The following INPP4A variants were observed in gnomAD, a reference collection of about 807,000 sequenced individuals.
INPP4A encodes inositol polyphosphate-4-phosphatase, type I, 107kD.
A neutral mutation model predicts 119.8 loss-of-function variants in INPP4A; 33 were observed. That is an observed-to-expected ratio of 0.28 (90% CI 0.21 to 0.37). The LOEUF is 0.37. INPP4A is among the 10% of genes least tolerant of loss of function. The pLI is 1.00. For missense variants in INPP4A, 956 were observed against 1,289.9 expected, an observed-to-expected ratio of 0.74 and a Z score of 3.97; for synonymous variants, 496 against 500.7, an observed-to-expected ratio of 0.99 and a Z score of 0.12.
At chr2:98,493,426 ATTTT>A (rs371958433) in intron 1 of INPP4A, among the ~76,000 whole-genome samples, 2 of 123,102 alleles carry the variant, frequency 1.6e-5, no homozygotes, top group African/African-American at 3.1e-5. Context: ...TTCTATTTCT[ATTTT>A]TTTTTTTTTT....
intron 1 of INPP4A, among the ~76,000 whole-genome samples, chr2:98,498,171 C>T (rs954337696): frequency 6.6e-6 from 1 of 151,974 alleles, no homozygotes; most frequent in African/African-American, 2.4e-5. Context: ...TGTGTTCCTA[C>T]CCAGATCTCA....
At chr2:98,456,269 A>G (rs952459700) in intron 1 of INPP4A, among the ~76,000 whole-genome samples, 2 of 152,230 alleles carry the variant, frequency 1.3e-5, no homozygotes, top group African/African-American at 4.8e-5. Flanking sequence ...ATACAACTAT[A>G]TAAGTTGTAG....
intron 1 of INPP4A, among the ~76,000 whole-genome samples, chr2:98,480,133 C>T (rs1445665632): frequency 6.6e-6 from 1 of 152,214 alleles, no homozygotes; most frequent in Non-Finnish European, 1.5e-5. Flanking sequence ...CCCTGCCAGC[C>T]CCAGAGGCCT....
In INPP4A at chr2:98,504,721, C is replaced by T. The variant is rs555088149; in HGVS notation, c.-165-14243C>T. Among the ~76,000 whole-genome samples, 19 of 152,282 alleles carry T rather than the reference C, an allele frequency of 1.2e-4. No homozygotes were observed. The East Asian group carries it at 1.5e-3, about 12-fold the overall frequency. On this transcript the variant is annotated intron_variant, in intron 1 of 24. Coordinates refer to ENST00000409851, the MANE Select transcript of INPP4A (RefSeq NM_001134225.2). ...CTCGTGAAGCCAATTTTGACACTTG[C>T]GAATTAGAAGGCAGGCTTTCCTAGT...
intron 1 of INPP4A, among the ~76,000 whole-genome samples, chr2:98,518,067 A>C (rs961517785): frequency 6.6e-6 from 1 of 152,214 alleles, no homozygotes; most frequent in African/African-American, 2.4e-5. Context: ...ATAAATTCCT[A>C]CCTTTTGCCA....
At chr2:98,481,721 A>G (rs1289253281) in intron 1 of INPP4A, among the ~76,000 whole-genome samples, 1 of 152,128 alleles carries the variant, frequency 6.6e-6, no homozygotes, top group Non-Finnish European at 1.5e-5. Context: ...TCCCTGTGGA[A>G]TTGTGTTTTG....
In INPP4A at chr2:98,466,293, G is replaced by A. The variant is rs1426167812; in HGVS notation, c.-166+21208G>A. 5.3e-5 allele frequency among the ~76,000 whole-genome samples: 8 copies of A among 152,188 alleles called. No homozygotes were observed. The South Asian group carries it at 6.2e-4, about 12-fold the overall frequency. ...ACTCTTGACCTCAAGCAATCTGCCCGCCTTGGCCTTCCAAAGTGCTGGGAT... is the reference window on the plus strand; with the variant it reads ...ACTCTTGACCTCAAGCAATCTGCCCACCTTGGCCTTCCAAAGTGCTGGGAT... On this transcript the variant is annotated intron_variant, in intron 1 of 24. Coordinates refer to ENST00000409851, the MANE Select transcript of INPP4A (RefSeq NM_001134225.2).
chr2:98,512,539 T>C (rs1183038034), intron 1 of INPP4A, among the ~76,000 whole-genome samples: 1 of 152,174 alleles, frequency 6.6e-6, no homozygotes, highest in Admixed American at 6.5e-5. Context: ...GGTCTTCCCA[T>C]GGTGGAAGAG....
At chr2:98,541,504 A>C (rs1691452172) in intron 10 of INPP4A, among the ~76,000 whole-genome samples, 1 of 152,224 alleles carries the variant, frequency 6.6e-6, no homozygotes. Flanking sequence ...ACACAGTGGC[A>C]ATCTACTTTT....
chr2:98,565,643 A>T lies in INPP4A; in HGVS notation c.2156A>T (p.Glu719Val), dbSNP rs1696299912. The part of the protein sequence containing the change: ...QFESLLSTYG[E>V]ELAMLEDMSL... Reference sequence around the variant, plus strand: ...CCTGCCCCTCTCTCATGTCCAGGGGAGGAGCTGGCAATGCTGGAGGACATG... The same window carrying T: ...CCTGCCCCTCTCTCATGTCCAGGGGTGGAGCTGGCAATGCTGGAGGACATG... Residue 719 changes from glutamate (E) to valine (V), a missense_variant, in exon 20 of 25, where the codon GAG becomes GTG. By Grantham distance (121) the Glu-to-Val change is moderately radical (BLOSUM62 -2). This residue lies in a region of INPP4A where 304 missense variants were observed against 492.1 expected (regional missense o/e 0.62). Transcript: ENST00000409851. The T allele has an allele frequency of 1.9e-6, 3 of 1,606,300 alleles. No homozygotes were observed. The highest frequency in any genetic ancestry group is 2.6e-6 in the Non-Finnish European group (3 of 1,174,386).
intron 1 of INPP4A, among the ~76,000 whole-genome samples, chr2:98,511,046 C>G (rs1361928805): frequency 2.6e-5 from 4 of 152,008 alleles, no homozygotes; most frequent in African/African-American, 9.7e-5. Context: ...TGTTACTTCT[C>G]TTCCTGTGCT....
intron 1 of INPP4A, among the ~76,000 whole-genome samples, chr2:98,446,862 A>G (rs1451610791): frequency 6.6e-6 from 1 of 152,200 alleles, no homozygotes; most frequent in African/African-American, 2.4e-5. Context: ...TTTTAAAAAA[A>G]AATCACTTTA....
chr2:98,587,929 C>T lies in INPP4A; in HGVS notation c.*321C>T, dbSNP rs1485675390. On this transcript the variant is annotated 3_prime_UTR_variant, in exon 25 of 25. Transcript: ENST00000409851. Reference sequence around the variant, plus strand: ...AATCAAGCTAGGTTTGTCTGAAATGCTAGAAGACTTTTTCAAATGCCTGCT... The same window carrying T: ...AATCAAGCTAGGTTTGTCTGAAATGTTAGAAGACTTTTTCAAATGCCTGCT... 4.0e-6 allele frequency: 1 copy of T among 249,288 alleles called. No homozygotes were observed. Among genetic ancestry groups the T allele is most frequent in the Non-Finnish European group, 7.7e-6 (1 of 130,030 alleles). 15.4% of individuals were successfully genotyped at this position (249,288 alleles called of 1,614,324 possible).
chr2:98,520,594 T>C (rs1686999108), intron 3 of INPP4A, 93 bp from the exon 4 acceptor site: 2 of 769,572 alleles, frequency 2.6e-6, no homozygotes, highest in South Asian at 3.3e-5. Context: ...TTTGTTGTTG[T>C]TGGGGGGAAG....
chr2:98,558,064 G>C (rs1377446295), intron 16 of INPP4A, among the ~76,000 whole-genome samples: 1 of 152,224 alleles, frequency 6.6e-6, no homozygotes, highest in Non-Finnish European at 1.5e-5. Flanking sequence ...AGGAAGTCCA[G>C]AGTGGTCACC....
At chr2:98,511,147 C>T (rs1303562274) in intron 1 of INPP4A, among the ~76,000 whole-genome samples, 1 of 152,186 alleles carries the variant, frequency 6.6e-6, no homozygotes, top group Non-Finnish European at 1.5e-5. Flanking sequence ...GCAACCTCCA[C>T]CTCCCGGGTT....
At chr2:98,548,806 A>T in intron 13 of INPP4A, 1 of 725,512 alleles carries the variant, frequency 1.4e-6, no homozygotes, top group South Asian at 1.7e-5. Flanking sequence ...CATTGGGCTC[A>T]TGATTGTAGT....
rs1042352354 is a variant in INPP4A at position 98,588,270 on chromosome 2, C to T, written c.*662C>T. On this transcript the variant is annotated 3_prime_UTR_variant, in exon 25 of 25. Transcript: ENST00000409851. The stretch of plus-strand genomic sequence containing the variant: ...GTTGGGGCCACTCTTTTTTCTGTCC[C>T]TTATGAGTTACAGAACAGGGAGTCT... 2 of 206,370 alleles carry T rather than the reference C, an allele frequency of 9.7e-6. No homozygotes were observed. The highest frequency in any genetic ancestry group is 4.6e-5 in the African/African-American group (2 of 43,876). The allele number at this position is 206,370 out of a possible 1,614,324, so 12.8% of individuals were successfully genotyped here. A position where few individuals can be genotyped will look rare whatever the true frequency, so the allele number is the denominator to read the frequency against.
intron 23 of INPP4A, 146 bp downstream of exon 23, chr2:98,573,073 CTGAAAG>C: frequency 1.6e-6 from 1 of 642,372 alleles, no homozygotes; most frequent in South Asian, 1.9e-5. Context: ...TTCTGAAGCT[CTGAAAG>C]AGACTGAACA....
Sources: gnomAD v4.1 joint callset for allele counts (sites outside exome capture counted in the v4.1 genomes callset) on GRCh38, gnomAD v4.1.1 for gene constraint, gnomAD v4.1.1 regional missense constraint, MANE v1.5 for transcripts, NCBI Gene and HGNC (gene_info 2026-07-23, HGNC 2026-07-21) for gene names.